Variants in NOL9 observed in about 807,000 individuals in gnomAD.
NOL9 encodes the protein nucleolar protein 9.
NOL9 carries 28 observed loss-of-function variants against 67.9 expected under a neutral mutation model. The observed-to-expected ratio is 0.41, with a 90% CI of 0.31 to 0.57. The LOEUF (loss-of-function observed/expected upper bound fraction) is 0.57, where lower values mean the gene tolerates loss of function less well. Among genes scored for constraint, NOL9 ranks in the 20% least tolerant of loss-of-function variants. NOL9 has a pLI of 0.25. For missense variants in NOL9, 777 were observed against 897.0 expected (o/e 0.87, Z 1.71); for synonymous variants, 356 against 352.2 (o/e 1.01, Z -0.12).
intron 5 of NOL9, among the ~76,000 whole-genome samples, chr1:6,544,543 A>ACCCCCC (rs33922236): frequency 4.9e-4 from 12 of 24,580 alleles, no homozygotes; most frequent in South Asian, 3.7e-3. Flanking sequence ...GCACACACGC[A>ACCCCCC]CCCCCCCCCC....
chr1:6,552,448 TTTTA>T (rs1639563848), intron 1 of NOL9, among the ~76,000 whole-genome samples: 1 of 152,142 alleles, frequency 6.6e-6, no homozygotes, highest in African/African-American at 2.4e-5. Context: ...AATTTTTTAA[TTTTA>T]TTTAATTTTT....
Position 6,554,296 on chromosome 1 carries a change from C to T in NOL9, c.207G>A (p.Val69=), listed in dbSNP as rs969808639. The change falls in exon 1 of 12, where the codon GTG becomes GTA. Residue 69 remains valine (V), a synonymous_variant. Transcript: ENST00000377705. ...GVDWREGARQ[V]SRAAAARRPN... ...GTCTCCGGGCCGCCGCCGCGCGCGA[C>T]ACCTGGCGGGCTCCCTCCCTCCAGT... 2.0e-6 allele frequency: 3 copies of T among 1,476,190 alleles called. No individual in the cohort carries two copies. Among genetic ancestry groups the T allele is most frequent in the Non-Finnish European group, 1.8e-6 (2 of 1,116,214 alleles). 91.4% of individuals were successfully genotyped at this position (1,476,190 alleles called of 1,614,324 possible). A position where few individuals can be genotyped will look rare whatever the true frequency, so the allele number is the denominator to read the frequency against.
chr1:6,529,763 T>A (rs990263841), intron 9 of NOL9, among the ~76,000 whole-genome samples: 2 of 150,888 alleles, frequency 1.3e-5, no homozygotes, highest in Non-Finnish European at 3.0e-5. Context: ...CTGTCTCTAC[T>A]AAAAATACAA....
Position 6,545,053 on chromosome 1 carries a change from A to G in NOL9, c.872T>C (p.Val291Ala), listed in dbSNP as rs1420716804. 6.2e-7 allele frequency: 1 copy of G among 1,614,186 alleles called. No individual in the cohort carries two copies. Among genetic ancestry groups the G allele is most frequent in the Admixed American group, 1.7e-5 (1 of 60,014 alleles). ...TLSALEELVN[V>A]SCEEVDGCPV... ...CAATGTGTATTACTCACCACAGGAA[A>G]CATTGACTAACTCTTCCAGGGCTGA... The change falls in exon 4 of 12, where the codon GTT becomes GCT. Residue 291 changes from valine to alanine, a missense_variant. Coordinates refer to ENST00000377705, the MANE Select transcript of NOL9 (RefSeq NM_024654.5).
At chr1:6,534,561 G>A (rs2148653649) in intron 6 of NOL9, among the ~76,000 whole-genome samples, 1 of 152,332 alleles carries the variant, frequency 6.6e-6, no homozygotes, top group East Asian at 1.9e-4. Context: ...TTTCAAGGTT[G>A]GGGCCAGTAA....
intron 7 of NOL9, among the ~76,000 whole-genome samples, chr1:6,533,062 C>A (rs1639070197): frequency 6.6e-6 from 1 of 152,210 alleles, no homozygotes; most frequent in African/African-American, 2.4e-5. Context: ...GTGGTCCCAG[C>A]TACTCTGGAA....
intron 10 of NOL9, among the ~76,000 whole-genome samples, chr1:6,527,505 G>C (rs1638914579): frequency 6.6e-6 from 1 of 151,712 alleles, no homozygotes; most frequent in South Asian, 2.1e-4. Flanking sequence ...AAATCAGCTG[G>C]GCATGGTGGC....
chr1:6,550,507 A>T lies in NOL9; in HGVS notation c.505T>A (p.Tyr169Asn). The change falls in exon 2 of 12, where the codon TAT becomes AAT. Residue 169 changes from tyrosine (Y) to asparagine (N), a missense_variant. Coordinates refer to ENST00000377705, the MANE Select transcript of NOL9 (RefSeq NM_024654.5). ...TGGATACTCAAGCAAGAGTGGGTAT[A>T]CACAGAGAAGATGTCTTGGGCAGGC... ...GQPAQDIFSV[Y>N]THSCLSIHAL... 6.2e-7 allele frequency: 1 copy of T among 1,614,124 alleles called. No homozygotes were observed. The highest frequency in any genetic ancestry group is 8.5e-7 in the Non-Finnish European group (1 of 1,180,006).
rs368676068 is a variant in NOL9, at chr1:6,542,689, C to T, written c.978-762G>A. ...AGCCAGGATGGTCTCGATCTCCTGA[C>T]CTTGGGATCCGCCTGCCTCAGCCTC... On this transcript the variant is annotated intron_variant, in intron 5 of 11. Transcript: ENST00000377705. Among the ~76,000 whole-genome samples, 493 of 151,194 alleles carry T rather than the reference C, an allele frequency of 3.3e-3. 4 individuals are homozygous for T. Among genetic ancestry groups the T allele is most frequent in the Non-Finnish European group, 3.4e-3 (233 of 67,760 alleles).
chr1:6,543,642 G>A (rs1423765252), intron 5 of NOL9, among the ~76,000 whole-genome samples: 2 of 152,186 alleles, frequency 1.3e-5, no homozygotes, highest in Non-Finnish European at 2.9e-5. Context: ...TGCGACTGCA[G>A]ATGTAAGCCA....
intron 3 of NOL9, chr1:6,548,389 T>C: frequency 4.8e-6 from 1 of 206,474 alleles, no homozygotes; most frequent in Non-Finnish European, 1.0e-5. Flanking sequence ...TGAAGTGATC[T>C]GCCCACCTCA....
intron 2 of NOL9, among the ~76,000 whole-genome samples, 162 bp from the exon 3 acceptor site, chr1:6,549,860 GGGA>G (rs1429198376): frequency 6.6e-6 from 1 of 152,096 alleles, no homozygotes; most frequent in Non-Finnish European, 1.5e-5. Context: ...GAACACATCT[GGGA>G]GGAGAAGTCA....
At chr1:6,542,648 G>A (rs572870747) in intron 5 of NOL9, among the ~76,000 whole-genome samples, 39 of 150,396 alleles carry the variant, frequency 2.6e-4, no homozygotes, top group African/African-American at 8.6e-4. Context: ...TAGTAGAGAC[G>A]GGGTTTCACA....
At chr1:6,530,315 G>A (rs1341324068) in intron 9 of NOL9, among the ~76,000 whole-genome samples, 3 of 151,524 alleles carry the variant, frequency 2.0e-5, no homozygotes, top group South Asian at 4.2e-4. Context: ...TTAGCTGGGC[G>A]TGGTGGCACG....
Position 6,525,846 on chromosome 1 carries a change from C to T in NOL9, c.*8G>A, listed in dbSNP as rs777279716. 8.1e-6 allele frequency: 13 copies of T among 1,613,658 alleles called. No homozygotes were observed. Among genetic ancestry groups the T allele is most frequent in the East Asian group, 2.2e-5 (1 of 44,898 alleles). ...GGAAAGTTTCTTCCCTTATTAAAAA[C>T]GCGAGCATCACTTCATTTTTCGACA... On this transcript the variant is annotated 3_prime_UTR_variant, in exon 12 of 12. Transcript: ENST00000377705.
intron 2 of NOL9, among the ~76,000 whole-genome samples, chr1:6,550,133 G>A (rs764149410): frequency 2.6e-5 from 4 of 152,132 alleles, no homozygotes; most frequent in Non-Finnish European, 5.9e-5. Context: ...CCGGGTTCAA[G>A]CGATTCTCCT....
intron 5 of NOL9, 45 bp downstream of exon 5, chr1:6,544,781 C>T: frequency 6.2e-7 from 1 of 1,600,326 alleles, no homozygotes. Context: ...CACTTCATGA[C>T]AAAAACCTAG....
chr1:6,548,834 C>A (rs1397286559), intron 3 of NOL9, among the ~76,000 whole-genome samples: 1 of 152,142 alleles, frequency 6.6e-6, no homozygotes, highest in East Asian at 1.9e-4. Context: ...GTAATCCCAG[C>A]ACTTTGGGAG....
chr1:6,536,630 G>A (rs1189801243), intron 6 of NOL9, among the ~76,000 whole-genome samples: 1 of 152,050 alleles, frequency 6.6e-6, no homozygotes, highest in Admixed American at 6.6e-5. Context: ...GAGTTTGAGA[G>A]CAGCTTGGGC....
Sources: gnomAD v4.1 joint callset for allele counts (sites outside exome capture counted in the v4.1 genomes callset) on GRCh38, gnomAD v4.1.1 for gene constraint, MANE v1.5 for transcripts, NCBI Gene and HGNC (gene_info 2026-07-23, HGNC 2026-07-21) for gene names.